The following RBFOX1 variants were observed in gnomAD, a reference collection of about 807,000 sequenced individuals.
RBFOX1 encodes RNA binding protein fox-1 homolog 1.
A neutral mutation model predicts 57.7 loss-of-function variants in RBFOX1; 8 were observed. That is an observed-to-expected ratio of 0.14 (90% CI 0.08 to 0.25). RBFOX1 has a LOEUF of 0.25. RBFOX1 is among the 10% of genes least tolerant of loss of function. RBFOX1 has a pLI of 1.00. For missense variants in RBFOX1, 611 were observed against 548.5 expected (o/e 1.11, Z -1.14); for synonymous variants, 326 against 222.4 (o/e 1.47, Z -4.15).
chr16:7,203,247 A>G (rs2089101336), intron 4 of RBFOX1, among the ~76,000 whole-genome samples: 1 of 152,236 alleles, frequency 6.6e-6, no homozygotes, highest in African/African-American at 2.4e-5. Flanking sequence ...TGCTTCACAA[A>G]TGAGCCCTGA....
At chr16:6,218,422 C>A (rs1355610208) in intron 1 of RBFOX1, among the ~76,000 whole-genome samples, 1 of 152,082 alleles carries the variant, frequency 6.6e-6, no homozygotes, top group African/African-American at 2.4e-5. Flanking sequence ...GATTCTTGTG[C>A]CTTAGCCTGC....
At chr16:7,649,513 G>C (rs2064493075) in intron 11 of RBFOX1, among the ~76,000 whole-genome samples, 1 of 152,152 alleles carries the variant, frequency 6.6e-6, no homozygotes, top group African/African-American at 2.4e-5. Flanking sequence ...ACTTACGATG[G>C]AGTCGCTGTG....
At chr16:7,014,387 T>A (rs1371826788) in intron 3 of RBFOX1, among the ~76,000 whole-genome samples, 1 of 151,912 alleles carries the variant, frequency 6.6e-6, no homozygotes, top group Non-Finnish European at 1.5e-5. Context: ...TTTTTTTTAT[T>A]TTTATTTTTT....
At chr16:5,691,266 T>C (rs4141205) in intron 3 of RBFOX1, among the ~76,000 whole-genome samples, 29,685 of 152,172 alleles carry the variant, frequency 0.2, 4,240 homozygotes, top group East Asian at 0.65. Context: ...AGGATTGGGA[T>C]ATTAGTCATG....
chr16:7,588,008 G>A (rs142691323), intron 7 of RBFOX1, among the ~76,000 whole-genome samples: 1 of 152,154 alleles, frequency 6.6e-6, no homozygotes, highest in South Asian at 2.1e-4. Flanking sequence ...GTGGAACCTC[G>A]TCTTTACTAA....
rs191189892 is a variant in RBFOX1 at position 6,333,670 on chromosome 16, T to G, written c.-64+16613T>G. Among the ~76,000 whole-genome samples, 67 of 152,322 alleles carry G rather than the reference T, an allele frequency of 4.4e-4. No individual in the cohort carries two copies. In the East Asian group the frequency reaches 7.7e-3, roughly 18 times the overall value. On this transcript the variant is annotated intron_variant, in intron 2 of 15. Transcript: ENST00000550418. ...ATGGATACAGGCTTATTTTCGTGGA[T>G]GGACTTAAGTTTAGAATAGGTGGCA...
intron 3 of RBFOX1, among the ~76,000 whole-genome samples, chr16:6,826,941 A>C (rs2092226752): frequency 6.6e-6 from 1 of 152,182 alleles, no homozygotes; most frequent in African/African-American, 2.4e-5. Flanking sequence ...TGCAAATGGA[A>C]GAAATAGGTG....
In RBFOX1 at chr16:6,854,878, G is replaced by A. The variant is rs150991743; in HGVS notation, c.-15-197179G>A. 6.6e-5 allele frequency among the ~76,000 whole-genome samples: 10 copies of A among 152,152 alleles called. No homozygotes were observed. The East Asian group carries it at 1.8e-3, about 27-fold the overall frequency. On this transcript the variant is annotated intron_variant, in intron 3 of 15. Coordinates refer to ENST00000550418, the MANE Select transcript of RBFOX1 (RefSeq NM_018723.4). ...CAAAGTGCTGGGATTACAGGCGTGAGCCACCGCGCCCAGCCGAGGTGAATA... is the reference window on the plus strand; with the variant it reads ...CAAAGTGCTGGGATTACAGGCGTGAACCACCGCGCCCAGCCGAGGTGAATA...
At chr16:5,436,402 A>T (rs1393294182) in intron 1 of RBFOX1, among the ~76,000 whole-genome samples, 4 of 152,058 alleles carry the variant, frequency 2.6e-5, no homozygotes, top group African/African-American at 9.7e-5. Context: ...AGTGATTTAC[A>T]CTCATACAAA....
At chr16:7,356,180 C>T (rs2097211225) in intron 4 of RBFOX1, among the ~76,000 whole-genome samples, 1 of 152,164 alleles carries the variant, frequency 6.6e-6, no homozygotes, top group Non-Finnish European at 1.5e-5. Flanking sequence ...TGATTCCATG[C>T]TAGGCAGAGT....
intron 3 of RBFOX1, among the ~76,000 whole-genome samples, chr16:6,920,275 C>A (rs999825021): frequency 3.3e-5 from 5 of 152,096 alleles, no homozygotes; most frequent in African/African-American, 9.7e-5. Flanking sequence ...TGACTTCTTT[C>A]CTTTGGTAGA....
At chr16:6,445,594 T>G (rs1283109083) in intron 2 of RBFOX1, among the ~76,000 whole-genome samples, 1 of 150,724 alleles carries the variant, frequency 6.6e-6, no homozygotes, top group Non-Finnish European at 1.5e-5. Context: ...GAGATGGAGT[T>G]TTTTTTTGAG....
At chr16:5,325,701 C>T (rs1379410175) in intron 1 of RBFOX1, among the ~76,000 whole-genome samples, 1 of 152,150 alleles carries the variant, frequency 6.6e-6, no homozygotes, top group Admixed American at 6.5e-5. Context: ...CCTTTTCAGA[C>T]TAGCTGCTTT....
At chr16:6,767,981 A>T (rs1448286474) in intron 3 of RBFOX1, among the ~76,000 whole-genome samples, 2 of 149,800 alleles carry the variant, frequency 1.3e-5, no homozygotes, top group African/African-American at 4.9e-5. Flanking sequence ...GAAGAAGAAG[A>T]AGAAGAAATT....
intron 4 of RBFOX1, among the ~76,000 whole-genome samples, chr16:7,411,410 G>C (rs113055277): frequency 6.6e-6 from 1 of 152,084 alleles, no homozygotes; most frequent in East Asian, 1.9e-4. Context: ...AATTTCACCC[G>C]GTCTTTCAGA....
chr16:6,787,804 C>T (rs1479699143), intron 3 of RBFOX1, among the ~76,000 whole-genome samples: 2 of 152,214 alleles, frequency 1.3e-5, no homozygotes, highest in South Asian at 2.1e-4. Flanking sequence ...CATAATACAA[C>T]TTAATCCACG....
chr16:7,443,563 A>G (rs899890364), intron 4 of RBFOX1, among the ~76,000 whole-genome samples: 1 of 152,034 alleles, frequency 6.6e-6, no homozygotes, highest in Non-Finnish European at 1.5e-5. Context: ...CTCATCTTAT[A>G]TTTCTGTGGC....
At chr16:7,675,738 A>C (rs1043105328) in intron 13 of RBFOX1, among the ~76,000 whole-genome samples, 2 of 152,092 alleles carry the variant, frequency 1.3e-5, no homozygotes, top group African/African-American at 4.8e-5. Flanking sequence ...CTTCTCACAC[A>C]CTACTTTGTC....
chr16:6,807,498 G>C (rs376802708), intron 3 of RBFOX1, among the ~76,000 whole-genome samples: 1 of 152,100 alleles, frequency 6.6e-6, no homozygotes, highest in East Asian at 1.9e-4. Context: ...CTCACTAATG[G>C]GACTTTGCTT....
Sources: gnomAD v4.1 joint callset for allele counts (sites outside exome capture counted in the v4.1 genomes callset) on GRCh38, gnomAD v4.1.1 for gene constraint, MANE v1.5 for transcripts, NCBI Gene and HGNC (gene_info 2026-07-23, HGNC 2026-07-21) for gene names.